Variants in GSG1L2 observed in about 807,000 individuals in gnomAD.
GSG1L2 encodes GSG1 like 2, also known as germ cell-specific gene 1-like protein 2.
Under a neutral mutation model 9.0 loss-of-function variants are expected in GSG1L2, and 15 were observed. The ratio of observed to expected loss-of-function variants is 1.67; its 90% CI spans 1.12 to 2.57. GSG1L2 has a LOEUF of 2.57. Among genes scored for constraint, GSG1L2 ranks in the 30% most tolerant of loss-of-function variants. The probability of loss-of-function intolerance (pLI) is 0.00; values close to 1 mark genes in which losing one functional copy is unlikely to be tolerated. For synonymous variants in GSG1L2, 127 were observed against 57.9 expected (o/e 2.19, Z -5.41); for missense variants, 286 against 150.3 (o/e 1.90, Z -4.72).
chr17:9,814,420 T>C (rs984480128), intron 1 of GSG1L2, among the ~76,000 whole-genome samples: 1 of 152,072 alleles, frequency 6.6e-6, no homozygotes, highest in Non-Finnish European at 1.5e-5. Context: ...CACGGAGAAG[T>C]GAAGGTCTAA....
rs2066583090 is a variant in GSG1L2 at position 9,820,063 on chromosome 17, C to T, written c.310+1699G>A. Among the ~76,000 whole-genome samples, 2 of 151,720 alleles carry T rather than the reference C, an allele frequency of 1.3e-5. No individual in the cohort carries two copies. Among genetic ancestry groups the T allele is most frequent in the Non-Finnish European group, 2.9e-5 (2 of 67,950 alleles). ...TGAGATTGCGCCGTTGCAATCCAGC[C>T]TGGGCAACGAGAGGGAAATTCCATC... On this transcript the variant is annotated intron_variant, in intron 1 of 4. Transcript: ENST00000399363. This position sits in a 1 kb window ranked among gnomAD's most constrained non-coding sequence, Gnocchi z 4.9.
chr17:9,802,747 C>T (rs1164411935), intron 4 of GSG1L2, 103 bp from the exon 5 acceptor site: 2 of 636,232 alleles, frequency 3.1e-6, no homozygotes, highest in South Asian at 1.7e-5. Context: ...AACAGCTCCT[C>T]GTTCTACTCA....
chr17:9,813,639 C>T (rs935418352), intron 1 of GSG1L2, among the ~76,000 whole-genome samples: 4 of 152,130 alleles, frequency 2.6e-5, no homozygotes, highest in Non-Finnish European at 5.9e-5. Flanking sequence ...GTCCTCACAC[C>T]CTGCTCTCTC....
rs545221530 is a variant in GSG1L2, at chr17:9,811,652, T to C, written c.311-1034A>G. Among the ~76,000 whole-genome samples the C allele has an allele frequency of 7.2e-5, 11 of 152,240 alleles. No individual in the cohort carries two copies. In the South Asian group the frequency reaches 2.3e-3, roughly 32 times the overall value. On this transcript the variant is annotated intron_variant, in intron 1 of 4. Transcript: ENST00000399363. ...GTCAGCCCAAAATAGAATCATAGACTGTCGAGTGGGAGGAGCCTGGGAAAT... is the reference window on the plus strand; with the variant it reads ...GTCAGCCCAAAATAGAATCATAGACCGTCGAGTGGGAGGAGCCTGGGAAAT...
intron 1 of GSG1L2, among the ~76,000 whole-genome samples, chr17:9,813,692 C>T (rs1003074643): frequency 6.6e-6 from 1 of 152,186 alleles, no homozygotes; most frequent in South Asian, 2.1e-4. Flanking sequence ...TCTCACGTCG[C>T]CTCATCCGAT....
chr17:9,821,371 A>G (rs1297344457), intron 1 of GSG1L2, among the ~76,000 whole-genome samples: 4 of 152,050 alleles, frequency 2.6e-5, no homozygotes, highest in Admixed American at 2.6e-4. Flanking sequence ...TTCATTCCCA[A>G]AGGATTTTAA....
chr17:9,800,958 C>T lies in GSG1L2; in HGVS notation c.*1428G>A, dbSNP rs1165730807. ...CTCATATATGCTTAGCGCAATGAAA[C>T]ACAAAATTCCACAGAAGCAGCATTT... On this transcript the variant is annotated 3_prime_UTR_variant, in exon 5 of 5. Transcript: ENST00000399363. 2.0e-5 allele frequency among the ~76,000 whole-genome samples: 3 copies of T among 152,206 alleles called. No individual in the cohort carries two copies. The highest frequency in any genetic ancestry group is 4.4e-5 in the Non-Finnish European group (3 of 68,032).
Position 9,810,616 on chromosome 17 carries a change from C to T in GSG1L2, c.313G>A (p.Glu105Lys), listed in dbSNP as rs1327039756. 1.4e-6 allele frequency: 1 copy of T among 703,052 alleles called. No homozygotes were observed. Among genetic ancestry groups the T allele is most frequent in the Non-Finnish European group, 2.6e-6 (1 of 385,004 alleles). 43.6% of individuals were successfully genotyped at this position (703,052 alleles called of 1,614,324 possible). ...SCEESLNGED[E>K]KCRSFRSVVP... is the part of the protein sequence containing the mutation. The stretch of plus-strand genomic sequence containing the variant: ...ACACTCCGGAAACTCCTACACTTTT[C>T]ATCTGAAAGATAAAGAGAATGCATC... The change falls in exon 2 of 5, where the codon GAA becomes AAA. Residue 105 changes from glutamate (E) to lysine (K), a missense_variant and splice_region_variant. Transcript: ENST00000399363.
At chr17:9,807,644 T>C (rs764492521) in intron 3 of GSG1L2, 43 bp from the exon 4 acceptor site, 27 of 702,762 alleles carry the variant, frequency 3.8e-5, no homozygotes, top group Non-Finnish European at 6.8e-5. Flanking sequence ...AGAAGACACA[T>C]GATGGAAGAA....
At chr17:9,807,749 G>C in intron 3 of GSG1L2, 148 bp from the exon 4 acceptor site, 1 of 601,494 alleles carries the variant, frequency 1.7e-6, no homozygotes. Flanking sequence ...CATTCCGCTG[G>C]ACATCTCTTT....
At chr17:9,817,249 CCA>C (rs2066571405) in intron 1 of GSG1L2, among the ~76,000 whole-genome samples, 1 of 152,158 alleles carries the variant, frequency 6.6e-6, no homozygotes, top group Non-Finnish European at 1.5e-5. Flanking sequence ...ATATCCAGTT[CCA>C]CACTTTCCTC....
At chr17:9,816,079 G>A (rs2152024263) in intron 1 of GSG1L2, among the ~76,000 whole-genome samples, 1 of 152,278 alleles carries the variant, frequency 6.6e-6, no homozygotes, top group Admixed American at 6.5e-5. Flanking sequence ...CCAGCAAGAA[G>A]CCTCTCACCA....
Position 9,801,137 on chromosome 17 carries a change from A to C in GSG1L2, c.*1249T>G, listed in dbSNP as rs942189433. Among the ~76,000 whole-genome samples, 1 of 152,160 alleles carries C rather than the reference A, an allele frequency of 6.6e-6. No homozygotes were observed. Among genetic ancestry groups the C allele is most frequent in the African/African-American group, 2.4e-5 (1 of 41,436 alleles). ...TGATATGTTTACAAAACACGTGAAT[A>C]TAATTTTTAAAATGGATCTGAGCAA... On this transcript the variant is annotated 3_prime_UTR_variant, in exon 5 of 5. Transcript: ENST00000399363.
chr17:9,816,517 C>CGTCTGTGTGT (rs1597944609), intron 1 of GSG1L2, among the ~76,000 whole-genome samples: 2 of 41,102 alleles, frequency 4.9e-5, no homozygotes, highest in Non-Finnish European at 8.7e-5. Context: ...TCTGTGTGTG[C>CGTCTGTGTGT]GTGTCTGTGT....
intron 1 of GSG1L2, among the ~76,000 whole-genome samples, chr17:9,816,828 C>CTGTG (rs570178139): frequency 1.5e-5 from 2 of 136,422 alleles, no homozygotes; most frequent in Admixed American, 7.3e-5. Flanking sequence ...CTGTGTGTGT[C>CTGTG]TGTGTATCTG....
intron 1 of GSG1L2, among the ~76,000 whole-genome samples, chr17:9,813,623 A>G (rs184431149): frequency 5.9e-5 from 9 of 152,228 alleles, no homozygotes; most frequent in African/African-American, 1.9e-4. Context: ...CACTGGAAAC[A>G]CCTCAGTCCT....
rs955201314 is a variant in GSG1L2 at position 9,808,814 on chromosome 17, T to C, written c.511+16A>G. 8.5e-6 allele frequency: 6 copies of C among 702,660 alleles called. No homozygotes were observed. In the East Asian group the frequency reaches 1.6e-4, roughly 19 times the overall value. 43.5% of individuals were successfully genotyped at this position (702,660 alleles called of 1,614,324 possible). On this transcript the variant is annotated intron_variant, in intron 3 of 4. Transcript: ENST00000399363. ...CCTCTGGGGCAGCCTGTTCCAAGGA[T>C]GCTGTTGGAAAGTACCTGCCAGCAC...
In GSG1L2 at chr17:9,820,872, A is replaced by G. The variant is rs1597369795; in HGVS notation, c.310+890T>C. Among the ~76,000 whole-genome samples, 2 of 152,194 alleles carry G rather than the reference A, an allele frequency of 1.3e-5. No homozygotes were observed. The highest frequency in any genetic ancestry group is 3.9e-4 in the East Asian group (2 of 5,170). On this transcript the variant is annotated intron_variant, in intron 1 of 4. Coordinates refer to ENST00000399363, the MANE Select transcript of GSG1L2 (RefSeq NM_001310219.2). The surrounding 1 kb of genome is among the most constrained non-coding windows in gnomAD (Gnocchi z 4.9). ...GTCTCACTATGTTGCCTATGTTGCC[A>G]GGCTGGTCTGTAACTCCTGGTCTCA...
At position 9,808,811 on chromosome 17, in the gene GSG1L2, G is replaced by C; in HGVS notation, c.511+19C>G. On this transcript the variant is annotated intron_variant, in intron 3 of 4. Transcript: ENST00000399363. ...TTCCCTCTGGGGCAGCCTGTTCCAAGGATGCTGTTGGAAAGTACCTGCCAG... is the reference window on the plus strand; with the variant it reads ...TTCCCTCTGGGGCAGCCTGTTCCAACGATGCTGTTGGAAAGTACCTGCCAG... 2 of 702,540 alleles carry C rather than the reference G, an allele frequency of 2.8e-6. No homozygotes were observed. The highest frequency in any genetic ancestry group is 3.0e-5 in the South Asian group (2 of 67,572). The allele number at this position is 702,540 out of a possible 1,614,324, so 43.5% of individuals were successfully genotyped here. A position where few individuals can be genotyped will look rare whatever the true frequency, so the allele number is the denominator to read the frequency against.
Sources: allele counts gnomAD v4.1 joint callset (sites outside exome capture counted in the v4.1 genomes callset), GRCh38; gene constraint gnomAD v4.1.1; non-coding constraint Gnocchi (gnomAD v3.1); transcripts MANE v1.5; gene names NCBI Gene and HGNC (gene_info 2026-07-23, HGNC 2026-07-21).